The following DDX60 variants were observed in gnomAD, a reference collection of about 807,000 sequenced individuals.
The protein encoded by DDX60 is probable ATP-dependent RNA helicase DDX60.
A neutral mutation model predicts 212.8 loss-of-function variants in DDX60; 165 were observed. The ratio of observed to expected loss-of-function variants is 0.78; its 90% CI spans 0.68 to 0.88. The LOEUF (loss-of-function observed/expected upper bound fraction) is 0.88. DDX60 is among the 40% of genes least tolerant of loss of function. The pLI, the probability that DDX60 is intolerant of heterozygous loss-of-function variation, is 0.00. For missense variants in DDX60, 1,905 were observed against 2,003.9 expected, an observed-to-expected ratio of 0.95 and a Z score of 0.94; for synonymous variants, 703 against 685.3, an observed-to-expected ratio of 1.03 and a Z score of -0.40.
At chr4:168,288,143 G>C (rs1229197648) in intron 9 of DDX60, 31 bp downstream of exon 9, 20 of 1,331,682 alleles carry the variant, frequency 1.5e-5, no homozygotes, top group Non-Finnish European at 1.8e-5. Context: ...TCTGTGGATG[G>C]AAGTATGATT....
Position 168,236,373 on chromosome 4 carries a change from C to T in DDX60, c.4412G>A (p.Gly1471Asp). ...FHDLCQPTRK[G>D]SKHFSQDVME... Reference sequence around the variant, plus strand: ...AACGTCTTGAGAAAAATGTTTTGAGCCTATATAAAACAAAGTGTCTTCTTG... The same window carrying T: ...AACGTCTTGAGAAAAATGTTTTGAGTCTATATAAAACAAAGTGTCTTCTTG... The change falls in exon 33 of 38, where the codon GGC (glycine) becomes GAC (aspartate). Residue 1471 changes from glycine (G) to aspartate (D), a missense_variant and splice_region_variant. Transcript: ENST00000393743. 1 of 1,598,532 alleles carries T rather than the reference C, an allele frequency of 6.3e-7. No homozygotes were observed. Among genetic ancestry groups the T allele is most frequent in the Non-Finnish European group, 8.5e-7 (1 of 1,172,806 alleles).
chr4:168,304,266 G>A (rs1462075869), intron 5 of DDX60, among the ~76,000 whole-genome samples: 2 of 152,132 alleles, frequency 1.3e-5, no homozygotes, highest in Non-Finnish European at 2.9e-5. Flanking sequence ...ACAAGATCTG[G>A]AGGTGGAAGA....
At position 168,285,381 on chromosome 4, in the gene DDX60, T is replaced by C. The variant is rs780611977; in HGVS notation, c.1445+12A>G. 2.7e-6 allele frequency: 4 copies of C among 1,504,696 alleles called. No individual in the cohort carries two copies. The allele number at this position is 1,504,696 out of a possible 1,614,324, so 93.2% of individuals were successfully genotyped here. ...ACAAGTATTTATTGAGGCACAGTTT[T>C]TGGCCTTATACCTCTTTAGAAAAGG... On this transcript the variant is annotated intron_variant, in intron 11 of 37. Coordinates refer to ENST00000393743, the MANE Select transcript of DDX60 (RefSeq NM_017631.6).
intron 25 of DDX60, among the ~76,000 whole-genome samples, chr4:168,256,689 C>T (rs1364396430): frequency 2.0e-5 from 3 of 152,148 alleles, no homozygotes; most frequent in Non-Finnish European, 4.4e-5. Context: ...TTTACAGGAG[C>T]ACTGAAAAGC....
At chr4:168,222,655 G>A (rs1000925994) in intron 35 of DDX60, among the ~76,000 whole-genome samples, 9 of 152,006 alleles carry the variant, frequency 5.9e-5, no homozygotes, top group African/African-American at 1.7e-4. Context: ...TATCAACTGC[G>A]TTCACTCCTG....
At chr4:168,249,471 T>G (rs1734139635) in intron 28 of DDX60, among the ~76,000 whole-genome samples, 1 of 151,928 alleles carries the variant, frequency 6.6e-6, no homozygotes, top group African/African-American at 2.4e-5. Flanking sequence ...CCTGTTTTTC[T>G]CAAGTTTTTT....
chr4:168,307,008 C>T (rs1011919197), intron 4 of DDX60, among the ~76,000 whole-genome samples: 1 of 152,162 alleles, frequency 6.6e-6, no homozygotes, highest in African/African-American at 2.4e-5. Context: ...AATCTCATTT[C>T]AGAAAGAAAA....
rs1176523864 is a variant in DDX60 at position 168,267,709 on chromosome 4, GA to G, written c.2930-19del. 2 of 1,559,476 alleles carry G rather than the reference GA, an allele frequency of 1.3e-6. No homozygotes were observed. Among genetic ancestry groups the G allele is most frequent in the East Asian group, 4.5e-5 (2 of 44,200 alleles). ...ATAGAGCACTAAAAATGAAGAACAA[GA>G]ATTTCCACATCAATGGAAATGTAAT... On this transcript the variant is annotated intron_variant, in intron 21 of 37. Transcript: ENST00000393743.
At chr4:168,306,200 A>G (rs572270735) in intron 5 of DDX60, among the ~76,000 whole-genome samples, 179 bp downstream of exon 5, 3 of 152,354 alleles carry the variant, frequency 2.0e-5, no homozygotes, top group African/African-American at 7.2e-5. Flanking sequence ...TTTTATAACA[A>G]TAAGTGTTTG....
chr4:168,259,032 T>A (rs1218752615), intron 25 of DDX60, among the ~76,000 whole-genome samples: 1 of 152,176 alleles, frequency 6.6e-6, no homozygotes, highest in East Asian at 1.9e-4. Flanking sequence ...AATTTACCAC[T>A]CTTTGTCCAA....
rs1299764461 is a variant in DDX60 at position 168,237,328 on chromosome 4, C to T, written c.4369G>A (p.Val1457Ile). 2 of 1,590,348 alleles carry T rather than the reference C, an allele frequency of 1.3e-6. No individual in the cohort carries two copies. The highest frequency in any genetic ancestry group is 1.7e-6 in the Non-Finnish European group (2 of 1,168,760). ...CAGAGATCATGGAAGAGTCCATTTA[C>T]AAGAAAACTGACAAAAACAAGATTA... ...PSNLVFVSFL[V>I]NGLFHDLCQP... The change falls in exon 32 of 38, where the codon GTA (valine) becomes ATA (isoleucine). Residue 1457 changes from valine (V) to isoleucine (I), a missense_variant. Coordinates refer to ENST00000393743, the MANE Select transcript of DDX60 (RefSeq NM_017631.6).
intron 30 of DDX60, among the ~76,000 whole-genome samples, chr4:168,244,841 C>A (rs1013481): frequency 6.6e-6 from 1 of 151,908 alleles, no homozygotes; most frequent in Non-Finnish European, 1.5e-5. Context: ...CACTTAAGAC[C>A]ATCAGTGATA....
rs754064950 is a variant in DDX60 at position 168,274,070 on chromosome 4, T to C, written c.2318A>G (p.Asp773Gly). The C allele has an allele frequency of 1.2e-6, 2 of 1,614,166 alleles. No homozygotes were observed. Among genetic ancestry groups the C allele is most frequent in the East Asian group, 2.2e-5 (1 of 44,876 alleles). The change falls in exon 17 of 38, where the codon GAT becomes GGT. Residue 773 changes from aspartate to glycine, a missense_variant. Asp to Gly is a moderately conservative substitution (Grantham distance 94, BLOSUM62 -1). Transcript: ENST00000393743. ...IPDTWQRELL[D>G]VVDKNESAVI... ...TGCTGACTCATTCTTATCCACAACA[T>C]CAAGGAGCTCTCGCTGCAGGGTGCA...
intron 34 of DDX60, among the ~76,000 whole-genome samples, chr4:168,225,159 C>T (rs907263942): frequency 2.0e-5 from 3 of 151,936 alleles, no homozygotes; most frequent in Non-Finnish European, 4.4e-5. Context: ...GTAGCAGAAC[C>T]AGAGTTTGGA....
At chr4:168,261,903 T>A in intron 24 of DDX60, 97 bp downstream of exon 24, 1 of 1,348,780 alleles carries the variant, frequency 7.4e-7, no homozygotes, top group East Asian at 2.7e-5. Context: ...AAATAAAAAT[T>A]GAGGATTAAA....
rs148261810 is a variant in DDX60, at chr4:168,228,413, C to T, written c.4534-2737G>A. 2.4e-4 allele frequency among the ~76,000 whole-genome samples: 36 copies of T among 151,908 alleles called. No individual in the cohort carries two copies. In the East Asian group the frequency reaches 6.8e-3, roughly 29 times the overall value. ...ATTGATATAGCTATTTTCTACCTTGCCATTTGTTTTCTGTCTGAATTTGAA... is the reference window on the plus strand; with the variant it reads ...ATTGATATAGCTATTTTCTACCTTGTCATTTGTTTTCTGTCTGAATTTGAA... On this transcript the variant is annotated intron_variant, in intron 33 of 37. Coordinates refer to ENST00000393743, the MANE Select transcript of DDX60 (RefSeq NM_017631.6).
chr4:168,243,556 C>T (rs972634303), intron 30 of DDX60, among the ~76,000 whole-genome samples: 4 of 152,156 alleles, frequency 2.6e-5, no homozygotes, highest in Non-Finnish European at 5.9e-5. Flanking sequence ...CAATGAGATA[C>T]CATCTCGCAC....
intron 6 of DDX60, among the ~76,000 whole-genome samples, chr4:168,299,242 G>A (rs1324262243): frequency 6.7e-6 from 1 of 148,906 alleles, no homozygotes; most frequent in African/African-American, 2.5e-5. Context: ...AAACTTGGGT[G>A]AAAGGAAATA....
Position 168,285,378 on chromosome 4 carries a change from T to C in DDX60, c.1445+15A>G. On this transcript the variant is annotated intron_variant, in intron 11 of 37. Transcript: ENST00000393743. ...CACACAAGTATTTATTGAGGCACAG[T>C]TTTTGGCCTTATACCTCTTTAGAAA... 6.8e-7 allele frequency: 1 copy of C among 1,477,146 alleles called. No homozygotes were observed. Among genetic ancestry groups the C allele is most frequent in the Non-Finnish European group, 9.4e-7 (1 of 1,063,326 alleles). 91.5% of individuals were successfully genotyped at this position (1,477,146 alleles called of 1,614,324 possible).
Sources: allele counts gnomAD v4.1 joint callset (sites outside exome capture counted in the v4.1 genomes callset), GRCh38; gene constraint gnomAD v4.1.1; transcripts MANE v1.5; gene names NCBI Gene and HGNC (gene_info 2026-07-23, HGNC 2026-07-21).